The following ABLIM2 variants were observed in gnomAD, a reference collection of about 807,000 sequenced individuals.
ABLIM2 encodes the protein actin binding LIM protein family member 2.
In ABLIM2, 53 loss-of-function variants were observed where a neutral mutation model predicts 97.7. The ratio of observed to expected loss-of-function variants is 0.54; its 90% CI spans 0.44 to 0.68. The LOEUF (loss-of-function observed/expected upper bound fraction) is 0.68, where lower values mean the gene tolerates loss of function less well. ABLIM2 is among the 30% of genes least tolerant of loss of function. The pLI, the probability that ABLIM2 is intolerant of heterozygous loss-of-function variation, is 0.00. For synonymous variants in ABLIM2, 361 were observed against 345.8 expected (o/e 1.04, Z -0.49); for missense variants, 835 against 867.2 (o/e 0.96, Z 0.47).
intron 17 of ABLIM2, chr4:7,989,323 C>T (rs1001161997): frequency 5.1e-5 from 41 of 808,928 alleles, no homozygotes; most frequent in Admixed American, 1.2e-4. Context: ...AAGTGATCCA[C>T]CCACCTCGGC....
chr4:8,041,511 G>A (rs1168840153), intron 9 of ABLIM2: 2 of 152,070 alleles, frequency 1.3e-5, no homozygotes, highest in African/African-American at 2.4e-5. Context: ...CCTTGAAAGT[G>A]GGACCATGAC....
Position 7,993,610 on chromosome 4 carries a change from G to A in ABLIM2, c.1619-683C>T, listed in dbSNP as rs377190056. ...GAGGATCCCTTGAGCCCAGGAGTTC[G>A]AGGCTGCAGTGAGCTATGCTCACAC... On this transcript the variant is annotated intron_variant, in intron 16 of 20. Coordinates refer to ENST00000447017, the MANE Select transcript of ABLIM2 (RefSeq NM_001130083.2). Among the ~76,000 whole-genome samples, 139 of 152,256 alleles carry A rather than the reference G, an allele frequency of 9.1e-4. 1 individual carries two copies. Among genetic ancestry groups the A allele is most frequent in the Non-Finnish European group, 1.4e-3 (92 of 68,016 alleles).
chr4:8,078,307 G>A (rs1003686854), intron 5 of ABLIM2, among the ~76,000 whole-genome samples: 1 of 152,242 alleles, frequency 6.6e-6, no homozygotes, highest in African/African-American at 2.4e-5. Context: ...GAAAGAGCAG[G>A]AGGGCTGCAC....
rs1755118739 is a variant in ABLIM2, at chr4:7,998,755, C to T, written c.1619-5828G>A. The T allele has an allele frequency of 4.4e-6, 2 of 456,422 alleles. No individual in the cohort carries two copies. Among genetic ancestry groups the T allele is most frequent in the Admixed American group, 4.7e-5 (2 of 42,910 alleles). 28.3% of individuals were successfully genotyped at this position (456,422 alleles called of 1,614,324 possible). On this transcript the variant is annotated intron_variant, in intron 16 of 20. Coordinates refer to ENST00000447017, the MANE Select transcript of ABLIM2 (RefSeq NM_001130083.2). This position sits in a 1 kb window ranked among gnomAD's most constrained non-coding sequence, Gnocchi z 6.4. ...GGAGTCTGCTGGCCTGGGCCACCTCCTGCTGCTGGGTGGGGGTGGGAGTGG... is the reference window on the plus strand; with the variant it reads ...GGAGTCTGCTGGCCTGGGCCACCTCTTGCTGCTGGGTGGGGGTGGGAGTGG...
chr4:8,080,601 C>T (rs763700983), intron 5 of ABLIM2, 75 bp downstream of exon 5: 267 of 1,440,794 alleles, frequency 1.9e-4, no homozygotes, highest in Non-Finnish European at 2.3e-4. Context: ...GCTGGGGACA[C>T]GTGCAGAGTG....
Position 8,003,646 on chromosome 4 carries a change from A to G in ABLIM2, c.1618+4413T>C, listed in dbSNP as rs1323409948. On this transcript the variant is annotated intron_variant, in intron 16 of 20. Coordinates refer to ENST00000447017, the MANE Select transcript of ABLIM2 (RefSeq NM_001130083.2). This position sits in a 1 kb window ranked among gnomAD's most constrained non-coding sequence, Gnocchi z 4.2. Reference sequence around the variant, plus strand: ...AATGGTGCAATCTCGGCTTACTGCAACCTCTGCCTCCTGGGATCAAGTGAT... The same window carrying G: ...AATGGTGCAATCTCGGCTTACTGCAGCCTCTGCCTCCTGGGATCAAGTGAT... 1.3e-5 allele frequency among the ~76,000 whole-genome samples: 2 copies of G among 149,660 alleles called. No homozygotes were observed. Among genetic ancestry groups the G allele is most frequent in the Non-Finnish European group, 3.0e-5 (2 of 67,652 alleles).
intron 1 of ABLIM2, among the ~76,000 whole-genome samples, chr4:8,136,467 A>T (rs1157581973): frequency 1.3e-5 from 2 of 152,234 alleles, no homozygotes; most frequent in African/African-American, 4.8e-5. Context: ...GTTTTAAAAA[A>T]TGATGCCAAT....
intron 2 of ABLIM2, among the ~76,000 whole-genome samples, chr4:8,104,911 G>A (rs1231097555): frequency 6.6e-6 from 1 of 152,138 alleles, no homozygotes; most frequent in Non-Finnish European, 1.5e-5. Flanking sequence ...AGTGGACAAT[G>A]TCTGCACTCC....
Position 8,128,016 on chromosome 4 carries a change from C to T in ABLIM2, c.11-21379G>A, listed in dbSNP as rs1165891754. Among the ~76,000 whole-genome samples the T allele has an allele frequency of 6.6e-6, 1 of 152,194 alleles. No individual in the cohort carries two copies. The highest frequency in any genetic ancestry group is 1.5e-5 in the Non-Finnish European group (1 of 68,034). On this transcript the variant is annotated intron_variant, in intron 1 of 20. Coordinates refer to ENST00000447017, the MANE Select transcript of ABLIM2 (RefSeq NM_001130083.2). The surrounding 1 kb of genome is among the most constrained non-coding windows in gnomAD (Gnocchi z 4.9). ...CAAACAACAGATACGGATTCTCTCG[C>T]AGTTCTGGGGGCCAGAAGTCTGACA...
intron 1 of ABLIM2, among the ~76,000 whole-genome samples, chr4:8,154,424 G>C (rs1355103112): frequency 6.6e-6 from 1 of 150,894 alleles, no homozygotes; most frequent in Non-Finnish European, 1.5e-5. Flanking sequence ...GGGGATTACA[G>C]GCACCCACCA....
In ABLIM2 at chr4:8,001,569, T is replaced by A. The variant is rs184411438; in HGVS notation, c.1618+6490A>T. Among the ~76,000 whole-genome samples, 182 of 152,162 alleles carry A rather than the reference T, an allele frequency of 1.2e-3. No homozygotes were observed. Among genetic ancestry groups the A allele is most frequent in the African/African-American group, 4.1e-3 (169 of 41,506 alleles). On this transcript the variant is annotated intron_variant, in intron 16 of 20. Coordinates refer to ENST00000447017, the MANE Select transcript of ABLIM2 (RefSeq NM_001130083.2). This position sits in a 1 kb window ranked among gnomAD's most constrained non-coding sequence, Gnocchi z 4.2. ...CTGACCTCTGGAGCTCCCTCTGCTC[T>A]CTCTGGGGGCTCAGAGAGCACCCTG...
In ABLIM2 at chr4:8,113,670, C is replaced by A. The variant is rs1266815964; in HGVS notation, c.11-7033G>T. Among the ~76,000 whole-genome samples the A allele has an allele frequency of 6.6e-6, 1 of 152,212 alleles. No individual in the cohort carries two copies. Among genetic ancestry groups the A allele is most frequent in the East Asian group, 1.9e-4 (1 of 5,184 alleles). On this transcript the variant is annotated intron_variant, in intron 1 of 20. Transcript: ENST00000447017. The surrounding 1 kb of genome is among the most constrained non-coding windows in gnomAD (Gnocchi z 4.5). ...GGTTCTCATCGGAGGCCCGCTCCAT[C>A]CGCCAAGATGATTTCAGAAAGCTCC...
At chr4:8,080,249 C>G (rs2152437088) in intron 5 of ABLIM2, among the ~76,000 whole-genome samples, 1 of 152,322 alleles carries the variant, frequency 6.6e-6, no homozygotes, top group South Asian at 2.1e-4. Flanking sequence ...TGGGTCAGCC[C>G]CCTCTCCTCA....
In ABLIM2 at chr4:8,123,426, C is replaced by T. The variant is rs1846366595; in HGVS notation, c.11-16789G>A. Among the ~76,000 whole-genome samples the T allele has an allele frequency of 6.6e-6, 1 of 152,234 alleles. No homozygotes were observed. The highest frequency in any genetic ancestry group is 1.5e-5 in the Non-Finnish European group (1 of 68,040). On this transcript the variant is annotated intron_variant, in intron 1 of 20. Coordinates refer to ENST00000447017, the MANE Select transcript of ABLIM2 (RefSeq NM_001130083.2). The surrounding 1 kb of genome is among the most constrained non-coding windows in gnomAD (Gnocchi z 6.2). ...GCCTCTATGTCAGGGAACTGGTTTT[C>T]TGCCTGTCTGCCCTCCCGTCTCCCC... is the stretch of plus-strand genomic sequence containing the variant.
intron 1 of ABLIM2, among the ~76,000 whole-genome samples, chr4:8,156,663 G>T (rs1715463110): frequency 6.6e-6 from 1 of 152,256 alleles, no homozygotes; most frequent in African/African-American, 2.4e-5. Context: ...GACTGGACCA[G>T]ATGATGCTCA....
Position 7,992,875 on chromosome 4 carries a change from C to T in ABLIM2, c.1671G>A (p.Leu557=), listed in dbSNP as rs777735793. Reference sequence around the variant, plus strand: ...AGGGGTCAGTACCTACCCGCTGGTCCAAGCCATTCTTTCCATGTCCTGGGA... The same window carrying T: ...AGGGGTCAGTACCTACCCGCTGGTCTAAGCCATTCTTTCCATGTCCTGGGA... ...DPLPGHGKNG[L]DQRNANLAPC... The change falls in exon 17 of 21, where the codon TTG becomes TTA. Residue 557 remains leucine, a synonymous_variant. Transcript: ENST00000447017. This position sits in a 1 kb window ranked among gnomAD's most constrained non-coding sequence, Gnocchi z 5.7. 55 of 1,612,686 alleles carry T rather than the reference C, an allele frequency of 3.4e-5. No individual in the cohort carries two copies. Among genetic ancestry groups the T allele is most frequent in the Non-Finnish European group, 4.3e-5 (51 of 1,179,664 alleles).
chr4:7,993,033 A>C, intron 16 of ABLIM2, 106 bp from the exon 17 acceptor site: 1 of 1,180,392 alleles, frequency 8.5e-7, no homozygotes. Context: ...CTGGGCAAGC[A>C]ACACAGGGGA....
At chr4:8,048,157 C>T (rs750631947) in intron 8 of ABLIM2, among the ~76,000 whole-genome samples, 5 of 152,216 alleles carry the variant, frequency 3.3e-5, no homozygotes, top group African/African-American at 7.2e-5. Context: ...CCCAGCTCTG[C>T]GATGGGTGGG....
Position 8,125,963 on chromosome 4 carries a change from A to T in ABLIM2, c.11-19326T>A, listed in dbSNP as rs1031830260. On this transcript the variant is annotated intron_variant, in intron 1 of 20. Coordinates refer to ENST00000447017, the MANE Select transcript of ABLIM2 (RefSeq NM_001130083.2). This position sits in a 1 kb window ranked among gnomAD's most constrained non-coding sequence, Gnocchi z 6.2. ...CTTTTTTGGTTCACAACACCCTGGG[A>T]GGGGGAAGCCACACAGCCAACCCGC... Among the ~76,000 whole-genome samples, 6 of 152,066 alleles carry T rather than the reference A, an allele frequency of 3.9e-5. No individual in the cohort carries two copies. The highest frequency in any genetic ancestry group is 7.4e-5 in the Non-Finnish European group (5 of 67,984).
Sources: gnomAD v4.1 joint callset for allele counts (sites outside exome capture counted in the v4.1 genomes callset) on GRCh38, gnomAD v4.1.1 for gene constraint, Gnocchi (gnomAD v3.1) non-coding constraint, MANE v1.5 for transcripts, NCBI Gene and HGNC (gene_info 2026-07-23, HGNC 2026-07-21) for gene names.